Variants in KANK1 observed in about 807,000 individuals in gnomAD.
The protein encoded by KANK1 is KN motif and ankyrin repeat domain-containing protein 1.
Under a neutral mutation model 106.2 loss-of-function variants are expected in KANK1, and 109 were observed. That is an observed-to-expected ratio of 1.03 (90% CI 0.88 to 1.20). The LOEUF is 1.20. Ranked by LOEUF, KANK1 falls within the 50% of genes most tolerant of loss-of-function variation. The probability of loss-of-function intolerance (pLI) is 0.00; values close to 1 mark genes in which losing one functional copy is unlikely to be tolerated. For missense variants in KANK1, 2,399 were observed against 1,710.7 expected (o/e 1.40, Z -7.10); for synonymous variants, 873 against 652.2 (o/e 1.34, Z -5.16).
chr9:516,025 C>T (rs895866363), intron 1 of KANK1, among the ~76,000 whole-genome samples: 1 of 151,762 alleles, frequency 6.6e-6, no homozygotes, highest in Admixed American at 6.6e-5. Flanking sequence ...CAACATGCAG[C>T]TGTCATCTAG....
At chr9:569,739 G>C (rs1818701140) in intron 1 of KANK1, among the ~76,000 whole-genome samples, 1 of 151,978 alleles carries the variant, frequency 6.6e-6, no homozygotes, top group South Asian at 2.1e-4. Context: ...GGCTTTTCAA[G>C]GAAGCTTTTG....
intron 1 of KANK1, among the ~76,000 whole-genome samples, chr9:651,816 A>G (rs1055560768): frequency 6.6e-6 from 1 of 152,246 alleles, no homozygotes; most frequent in African/African-American, 2.4e-5. Context: ...TAATGTTTGT[A>G]TGATATACAG....
intron 1 of KANK1, among the ~76,000 whole-genome samples, chr9:552,287 C>G (rs532409114): frequency 1.3e-5 from 2 of 152,054 alleles, no homozygotes; most frequent in African/African-American, 4.8e-5. Flanking sequence ...AGGAAGAAGA[C>G]GAAAGTAGAA....
At chr9:537,272 A>G (rs12344020) in intron 1 of KANK1, among the ~76,000 whole-genome samples, 4,069 of 152,232 alleles carry the variant, frequency 0.027, 174 homozygotes, top group African/African-American at 0.092. Context: ...GTTACTGAGC[A>G]GGGTTCCCTT....
intron 1 of KANK1, among the ~76,000 whole-genome samples, chr9:656,734 A>G (rs111583071): frequency 2.6e-5 from 4 of 152,208 alleles, no homozygotes; most frequent in Non-Finnish European, 4.4e-5. Flanking sequence ...GCCTGTGACA[A>G]TAAAAAAGCA....
intron 1 of KANK1, among the ~76,000 whole-genome samples, chr9:529,205 A>G (rs1376292932): frequency 6.6e-6 from 1 of 151,942 alleles, no homozygotes; most frequent in Non-Finnish European, 1.5e-5. Flanking sequence ...TCCTCCTTCC[A>G]GAGATAACTC....
At chr9:498,920 T>G (rs936156642) in intron 3 of KANK1, among the ~76,000 whole-genome samples, 2 of 152,076 alleles carry the variant, frequency 1.3e-5, no homozygotes, top group African/African-American at 4.8e-5. Flanking sequence ...GCTCACGCCT[T>G]TAATCCCAGC....
intron 3 of KANK1, among the ~76,000 whole-genome samples, chr9:726,784 AC>A (rs2131559590): frequency 1.3e-5 from 2 of 150,076 alleles, no homozygotes; most frequent in South Asian, 4.2e-4. Flanking sequence ...ACATGGTAAA[AC>A]CCCGTCTCTA....
chr9:635,091 C>T (rs751849273), intron 1 of KANK1, among the ~76,000 whole-genome samples: 47 of 152,270 alleles, frequency 3.1e-4, no homozygotes, highest in Admixed American at 2.0e-4. Context: ...AAGGGAATGC[C>T]GTTATTATGG....
intron 1 of KANK1, among the ~76,000 whole-genome samples, chr9:510,606 C>T (rs984612330): frequency 1.3e-5 from 2 of 152,160 alleles, no homozygotes; most frequent in African/African-American, 4.8e-5. Context: ...GAGAGATCAG[C>T]GGTGCATAGG....
chr9:517,172 T>C (rs1203455290), intron 1 of KANK1, among the ~76,000 whole-genome samples: 1 of 151,830 alleles, frequency 6.6e-6, no homozygotes, highest in South Asian at 2.1e-4. Flanking sequence ...TGCAGTGGCG[T>C]GATCTCAGCT....
At chr9:582,446 C>T (rs1355611468) in intron 1 of KANK1, among the ~76,000 whole-genome samples, 1 of 152,092 alleles carries the variant, frequency 6.6e-6, no homozygotes, top group African/African-American at 2.4e-5. Flanking sequence ...TAGTCTAGTT[C>T]TGTTAATATT....
At chr9:647,932 G>A (rs952578433) in intron 1 of KANK1, among the ~76,000 whole-genome samples, 1 of 149,842 alleles carries the variant, frequency 6.7e-6, no homozygotes, top group South Asian at 2.1e-4. Flanking sequence ...GCAACCCTCT[G>A]CTCTCATGTG....
intron 1 of KANK1, among the ~76,000 whole-genome samples, chr9:661,046 C>T (rs760467226): frequency 6.6e-6 from 1 of 151,602 alleles, no homozygotes; most frequent in African/African-American, 2.4e-5. Flanking sequence ...AACAGCTGTC[C>T]AATTTCATGG....
intron 6 of KANK1, chr9:734,418 C>G: frequency 4.1e-6 from 1 of 241,646 alleles, no homozygotes; most frequent in Non-Finnish European, 8.4e-6. Flanking sequence ...GTAATCCCAG[C>G]ACTGTGGGAG....
At chr9:486,271 C>G (rs1028769652) in intron 3 of KANK1, among the ~76,000 whole-genome samples, 12 of 152,220 alleles carry the variant, frequency 7.9e-5, no homozygotes, top group African/African-American at 2.9e-4. Flanking sequence ...ATAGGAGAAA[C>G]TGGAGAAGTC....
Position 712,285 on chromosome 9 carries a change from G to A in KANK1, c.1519G>A (p.Ala507Thr), listed in dbSNP as rs1826355391. ...SRKKVDKATMAQPLVFSKVVE... is the reference protein window; with the variant it reads ...SRKKVDKATMTQPLVFSKVVE... ...GAAAAAGGTTGACAAAGCCACGATG[G>A]CCCAGCCGCTTGTTTTCAGTAAGGT... is the stretch of plus-strand genomic sequence containing the variant. Residue 507 changes from alanine to threonine, a missense_variant, in exon 3 of 12, where the codon GCC becomes ACC. Transcript: ENST00000382297. 6.2e-7 allele frequency: 1 copy of A among 1,614,190 alleles called. No homozygotes were observed. The highest frequency in any genetic ancestry group is 1.3e-5 in the African/African-American group (1 of 75,046).
chr9:687,248 C>T (rs1443783753), intron 2 of KANK1, among the ~76,000 whole-genome samples: 1 of 152,054 alleles, frequency 6.6e-6, no homozygotes, highest in Non-Finnish European at 1.5e-5. Flanking sequence ...GAGCATTGGT[C>T]CTTCTTTGCC....
intron 1 of KANK1, among the ~76,000 whole-genome samples, chr9:612,490 C>T (rs1390809632): frequency 1.3e-5 from 2 of 152,124 alleles, no homozygotes; most frequent in African/African-American, 4.8e-5. Context: ...TTTAGGGTTT[C>T]AGTGTCATCA....
Sources: allele counts gnomAD v4.1 joint callset (sites outside exome capture counted in the v4.1 genomes callset), GRCh38; gene constraint gnomAD v4.1.1; transcripts MANE v1.5; gene names NCBI Gene and HGNC (gene_info 2026-07-23, HGNC 2026-07-21).